Variants in NWD2 observed in about 807,000 individuals in gnomAD.
NWD2 encodes NACHT and WD repeat domain-containing protein 2.
In NWD2, 37 loss-of-function variants were observed where a neutral mutation model predicts 132.7. That is an observed-to-expected ratio of 0.28 (90% CI 0.21 to 0.37). NWD2 has a LOEUF of 0.37. Among genes scored for constraint, NWD2 ranks in the 10% least tolerant of loss-of-function variants. The pLI is 1.00. For missense variants in NWD2, 1,592 were observed against 2,122.4 expected, an observed-to-expected ratio of 0.75 and a Z score of 4.91; for synonymous variants, 705 against 803.0, an observed-to-expected ratio of 0.88 and a Z score of 2.06.
chr4:37,264,719 G>T (rs1717712938), intron 1 of NWD2, among the ~76,000 whole-genome samples: 1 of 151,954 alleles, frequency 6.6e-6, no homozygotes. Flanking sequence ...ACAGAATCTA[G>T]CCCTTTTTTA....
At chr4:37,288,440 A>G (rs1316073833) in intron 1 of NWD2, among the ~76,000 whole-genome samples, 1 of 152,222 alleles carries the variant, frequency 6.6e-6, no homozygotes, top group Non-Finnish European at 1.5e-5. Context: ...AGCCAGTATC[A>G]CTTAACCCCA....
At chr4:37,441,680 G>C (rs1168908519) in intron 6 of NWD2, among the ~76,000 whole-genome samples, 1 of 152,146 alleles carries the variant, frequency 6.6e-6, no homozygotes, top group East Asian at 1.9e-4. Flanking sequence ...TCTGTCTATT[G>C]ACTATCCAGG....
rs1719235163 is a variant in NWD2, at chr4:37,329,069, C to A, written c.240+3045C>A. ...AAAAAATGAATGAATGAAGACCCAG[C>A]CCAGATATAACTTGCAAAAGAAAGC... On this transcript the variant is annotated intron_variant, in intron 2 of 6. Transcript: ENST00000309447. Among the ~76,000 whole-genome samples, 6 of 152,094 alleles carry A rather than the reference C, an allele frequency of 3.9e-5. No individual in the cohort carries two copies. In the South Asian group the frequency reaches 1.2e-3, roughly 32 times the overall value.
At chr4:37,346,178 A>C (rs1177430869) in intron 2 of NWD2, among the ~76,000 whole-genome samples, 2 of 151,600 alleles carry the variant, frequency 1.3e-5, no homozygotes, top group Non-Finnish European at 2.9e-5. Context: ...CTGTTGAGTT[A>C]ATTAATTTTA....
At chr4:37,335,297 G>A (rs1560397950) in intron 2 of NWD2, among the ~76,000 whole-genome samples, 1 of 48,294 alleles carries the variant, frequency 2.1e-5, no homozygotes, top group Non-Finnish European at 5.9e-5. Flanking sequence ...ACTGGGGGGT[G>A]GGCGGGGGGG....
rs1712429373 is a variant in NWD2, at chr4:37,439,686, A to G, written c.1296+296A>G. On this transcript the variant is annotated intron_variant, in intron 6 of 6. Transcript: ENST00000309447. This position sits in a 1 kb window ranked among gnomAD's most constrained non-coding sequence, Gnocchi z 4.5. ...GATGAAAACCCAGGCCAATCTCAAT[A>G]ACTGTTCTCATTCCTTTCAGACAAG... Among the ~76,000 whole-genome samples the G allele has an allele frequency of 6.6e-6, 1 of 152,208 alleles. No individual in the cohort carries two copies. The highest frequency in any genetic ancestry group is 2.4e-5 in the African/African-American group (1 of 41,436).
In NWD2 at chr4:37,245,151, G is replaced by A; in HGVS notation, c.84G>A (p.Thr28=). The A allele has an allele frequency of 6.5e-7, 1 of 1,547,410 alleles. No individual in the cohort carries two copies. Among genetic ancestry groups the A allele is most frequent in the Non-Finnish European group, 8.7e-7 (1 of 1,146,526 alleles). Residue 28 remains threonine (T), a synonymous_variant, in exon 1 of 7, where the codon ACG becomes ACA. Transcript: ENST00000309447. ...GGGCGGCTTTCTCTGGGAACCTCAC[G>A]GCCCTGCCCTCTCACCTCGTGCCCG... ...LRRAAFSGNL[T]ALPSHLVPAG... is the part of the protein sequence containing the mutation.
intron 3 of NWD2, among the ~76,000 whole-genome samples, chr4:37,359,808 T>C (rs1337211391): frequency 2.0e-5 from 3 of 152,162 alleles, no homozygotes; most frequent in Non-Finnish European, 4.4e-5. Context: ...GGCCCAAGGT[T>C]CCACTGACAT....
intron 3 of NWD2, among the ~76,000 whole-genome samples, chr4:37,403,379 A>T (rs1301104694): frequency 3.3e-5 from 5 of 152,222 alleles, no homozygotes. Flanking sequence ...GCTCAGGTGA[A>T]CATGAAGGGT....
chr4:37,299,444 G>A (rs928094515), intron 1 of NWD2, among the ~76,000 whole-genome samples: 2 of 151,996 alleles, frequency 1.3e-5, no homozygotes. Context: ...TCATTTTCAA[G>A]TAATAACTTC....
At chr4:37,333,610 C>T (rs79332962) in intron 2 of NWD2, among the ~76,000 whole-genome samples, 1,737 of 152,190 alleles carry the variant, frequency 0.011, 31 homozygotes, top group African/African-American at 0.04. Context: ...CCAAGAATGA[C>T]AGGTACTAAC....
intron 1 of NWD2, among the ~76,000 whole-genome samples, chr4:37,288,648 G>T (rs1656184): frequency 0.85 from 129,153 of 152,200 alleles, 55,416 homozygotes; most frequent in African/African-American, 0.95. Flanking sequence ...CATTCTGGGA[G>T]AGAATTCAGG....
At chr4:37,303,217 C>G (rs113965047) in intron 1 of NWD2, among the ~76,000 whole-genome samples, 2,890 of 152,238 alleles carry the variant, frequency 0.019, 74 homozygotes, top group African/African-American at 0.065. Flanking sequence ...GTTCTTTCCC[C>G]ATTGTATGTT....
intron 3 of NWD2, among the ~76,000 whole-genome samples, chr4:37,387,670 CTTTTTTT>C (rs34665816): frequency 1.1e-5 from 1 of 88,704 alleles, no homozygotes; most frequent in East Asian, 2.8e-4. Flanking sequence ...TTGAAATATT[CTTTTTTT>C]TTTTTTTTTT....
intron 2 of NWD2, among the ~76,000 whole-genome samples, chr4:37,342,035 A>G (rs941275304): frequency 3.3e-5 from 5 of 151,976 alleles, no homozygotes; most frequent in African/African-American, 1.2e-4. Context: ...AATAGAACCA[A>G]CTCTGGGTTT....
chr4:37,326,438 TG>T (rs1719174306), intron 2 of NWD2, among the ~76,000 whole-genome samples: 1 of 152,190 alleles, frequency 6.6e-6, no homozygotes, highest in Admixed American at 6.6e-5. Flanking sequence ...CCTTCTGTCT[TG>T]CCTTTAACTT....
intron 1 of NWD2, among the ~76,000 whole-genome samples, chr4:37,311,174 G>A (rs1390435121): frequency 2.0e-5 from 3 of 152,062 alleles, no homozygotes; most frequent in African/African-American, 7.2e-5. Context: ...GGGTCAAATG[G>A]TATTTCCAGT....
At chr4:37,251,558 G>A (rs1717360768) in intron 1 of NWD2, among the ~76,000 whole-genome samples, 1 of 152,160 alleles carries the variant, frequency 6.6e-6, no homozygotes, top group Admixed American at 6.5e-5. Context: ...TATCACAGCT[G>A]CCCCTGAGTA....
At chr4:37,368,967 G>A (rs79321367) in intron 3 of NWD2, among the ~76,000 whole-genome samples, 6,452 of 152,176 alleles carry the variant, frequency 0.042, 435 homozygotes, top group African/African-American at 0.15. Flanking sequence ...ATGAGCTAAG[G>A]GGGTGAAATA....
Sources: gnomAD v4.1 joint callset for allele counts (sites outside exome capture counted in the v4.1 genomes callset) on GRCh38, gnomAD v4.1.1 for gene constraint, Gnocchi (gnomAD v3.1) non-coding constraint, MANE v1.5 for transcripts, NCBI Gene and HGNC (gene_info 2026-07-23, HGNC 2026-07-21) for gene names.